Variants in CTNNA2 observed in about 807,000 individuals in gnomAD.
CTNNA2 encodes the protein catenin alpha-2.
A neutral mutation model predicts 101.0 loss-of-function variants in CTNNA2; 42 were observed. The observed-to-expected ratio is 0.42, with a 90% CI of 0.32 to 0.54. The LOEUF (loss-of-function observed/expected upper bound fraction) is 0.54, where lower values mean the gene tolerates loss of function less well. Ranked by LOEUF, CTNNA2 falls within the 20% of genes least tolerant of loss-of-function variation. The probability of loss-of-function intolerance (pLI) is 0.14; values close to 1 mark genes in which losing one functional copy is unlikely to be tolerated. For missense variants in CTNNA2, 871 were observed against 1,223.1 expected, an observed-to-expected ratio of 0.71 and a Z score of 4.29; for synonymous variants, 450 against 456.4, an observed-to-expected ratio of 0.99 and a Z score of 0.18.
rs144139897 is a variant in CTNNA2 at position 79,953,095 on chromosome 2, G to C, written c.1056+43298G>C. Among the ~76,000 whole-genome samples the C allele has an allele frequency of 2.7e-3, 413 of 152,188 alleles. 1 individual carries two copies. The highest frequency in any genetic ancestry group is 3.6e-3 in the Non-Finnish European group (248 of 68,026). On this transcript the variant is annotated intron_variant, in intron 7 of 18. Transcript: ENST00000402739. The stretch of plus-strand genomic sequence containing the variant: ...TAATTCAAGCACAGCGATTGACATC[G>C]AGGCATGTGGGTCCTTCTGCTGACG...
At chr2:79,233,689 T>C (rs536918929) in intron 2 of CTNNA2, among the ~76,000 whole-genome samples, 1 of 152,148 alleles carries the variant, frequency 6.6e-6, no homozygotes, top group African/African-American at 2.4e-5. Flanking sequence ...TAAGTTTTTT[T>C]ATAAGTCAAG....
intron 2 of CTNNA2, among the ~76,000 whole-genome samples, chr2:79,700,215 AT>A (rs1684911996): frequency 2.0e-5 from 3 of 152,272 alleles, no homozygotes; most frequent in Admixed American, 2.0e-4. Flanking sequence ...TGCAATAATC[AT>A]CAAAGTATTA....
intron 7 of CTNNA2, among the ~76,000 whole-genome samples, chr2:79,943,854 T>C (rs1485084084): frequency 1.3e-5 from 2 of 152,240 alleles, no homozygotes; most frequent in Non-Finnish European, 2.9e-5. Flanking sequence ...AAATTGATAA[T>C]TCTGCCATAA....
chr2:80,551,883 A>G (rs921128863), intron 11 of CTNNA2, among the ~76,000 whole-genome samples: 1 of 152,142 alleles, frequency 6.6e-6, no homozygotes, highest in East Asian at 1.9e-4. Flanking sequence ...GACTTGTGAC[A>G]TGTCTTCCTC....
At chr2:80,147,461 T>C (rs184150783) in intron 7 of CTNNA2, among the ~76,000 whole-genome samples, 2 of 152,276 alleles carry the variant, frequency 1.3e-5, no homozygotes, top group African/African-American at 4.8e-5. Flanking sequence ...AATGCTGTTG[T>C]TGGGAACTAT....
chr2:79,858,239 A>G (rs1681298237), intron 4 of CTNNA2, 60 bp downstream of exon 4: 1 of 1,370,900 alleles, frequency 7.3e-7, no homozygotes, highest in African/African-American at 1.4e-5. Context: ...GACCGTGTGT[A>G]TTACAGCTCT....
At chr2:80,306,375 CTTTCT>C (rs1221909340) in intron 7 of CTNNA2, among the ~76,000 whole-genome samples, 4,933 of 139,024 alleles carry the variant, frequency 0.035, 222 homozygotes, top group African/African-American at 0.074. Context: ...TTCTTTCTTT[CTTTCT>C]TTTCTTTTCT....
chr2:79,655,649 CA>C (rs2104498131), intron 2 of CTNNA2, among the ~76,000 whole-genome samples: 1 of 151,934 alleles, frequency 6.6e-6, no homozygotes, highest in Non-Finnish European at 1.5e-5. Context: ...GCGAACATGG[CA>C]AAACCCCATC....
chr2:79,364,947 T>G (rs186145006), intron 3 of CTNNA2, among the ~76,000 whole-genome samples: 1 of 152,318 alleles, frequency 6.6e-6, no homozygotes, highest in Admixed American at 6.5e-5. Flanking sequence ...GAATCTTATG[T>G]GGGATTTATA....
intron 7 of CTNNA2, among the ~76,000 whole-genome samples, chr2:80,119,152 T>C (rs1020320407): frequency 5.3e-5 from 8 of 152,206 alleles, no homozygotes; most frequent in African/African-American, 2.4e-5. Context: ...GCTTGATCTT[T>C]AGGTTTGGCT....
intron 8 of CTNNA2, among the ~76,000 whole-genome samples, chr2:80,393,664 C>T (rs1290796341): frequency 6.6e-6 from 1 of 152,164 alleles, no homozygotes; most frequent in Non-Finnish European, 1.5e-5. Context: ...AGTGATAAAC[C>T]AGAATGCTAA....
chr2:79,510,496 T>G (rs184547127), upstream of CTNNA2, among the ~76,000 whole-genome samples: 29 of 152,350 alleles, frequency 1.9e-4, no homozygotes, highest in Admixed American at 2.0e-4. Flanking sequence ...ACATTCAATT[T>G]GGATTTTCCA....
intron 7 of CTNNA2, among the ~76,000 whole-genome samples, chr2:80,121,490 A>C (rs1701827462): frequency 6.6e-6 from 1 of 152,296 alleles, no homozygotes; most frequent in East Asian, 1.9e-4. Context: ...AAAAAATAAC[A>C]ATTATATTGG....
At chr2:80,645,419 A>T (rs776435726) in intron 18 of CTNNA2, among the ~76,000 whole-genome samples, 3 of 152,164 alleles carry the variant, frequency 2.0e-5, no homozygotes, top group Non-Finnish European at 4.4e-5. Flanking sequence ...CTATGATATT[A>T]CCAAACTTGT....
chr2:79,322,351 T>C (rs990749619), intron 3 of CTNNA2, among the ~76,000 whole-genome samples: 15 of 152,240 alleles, frequency 9.9e-5, no homozygotes, highest in African/African-American at 2.9e-4. Context: ...CTTTGCATTA[T>C]CTAGATATCT....
intron 7 of CTNNA2, among the ~76,000 whole-genome samples, chr2:80,085,713 T>C (rs1262791854): frequency 1.3e-5 from 2 of 151,980 alleles, no homozygotes; most frequent in Non-Finnish European, 2.9e-5. Flanking sequence ...GCTTCCCCTA[T>C]ATTGATGAGT....
At chr2:79,501,236 A>C (rs982772670) in intron 4 of CTNNA2, among the ~76,000 whole-genome samples, 3 of 152,176 alleles carry the variant, frequency 2.0e-5, no homozygotes, top group African/African-American at 7.2e-5. Context: ...CATCACATTT[A>C]CCAAATTATC....
At chr2:79,305,040 T>G (rs1394743580) in intron 2 of CTNNA2, among the ~76,000 whole-genome samples, 2 of 152,180 alleles carry the variant, frequency 1.3e-5, no homozygotes, top group African/African-American at 4.8e-5. Context: ...TGGGGTTTTG[T>G]ACAAAATTTG....
chr2:79,604,452 G>T (rs750802001), intron 1 of CTNNA2, among the ~76,000 whole-genome samples: 6 of 152,212 alleles, frequency 3.9e-5, no homozygotes, highest in Non-Finnish European at 7.3e-5. Flanking sequence ...ATTCCAGTCA[G>T]ATCCTGGTGG....
Sources: gnomAD v4.1 joint callset for allele counts (sites outside exome capture counted in the v4.1 genomes callset) on GRCh38, gnomAD v4.1.1 for gene constraint, MANE v1.5 for transcripts, NCBI Gene and HGNC (gene_info 2026-07-23, HGNC 2026-07-21) for gene names.